Variants in CACNA2D3 observed in about 807,000 individuals in gnomAD.
CACNA2D3 encodes the protein voltage-dependent calcium channel subunit alpha-2/delta-3.
In CACNA2D3, 60 loss-of-function variants were observed where a neutral mutation model predicts 160.6. That is an observed-to-expected ratio of 0.37 (90% CI 0.30 to 0.46). The LOEUF (loss-of-function observed/expected upper bound fraction) is 0.46. Ranked by LOEUF, CACNA2D3 falls within the 20% of genes least tolerant of loss-of-function variation. CACNA2D3 has a pLI of 1.00. For synonymous variants in CACNA2D3, 558 were observed against 492.9 expected, an observed-to-expected ratio of 1.13 and a Z score of -1.75; for missense variants, 1,205 against 1,365.0, an observed-to-expected ratio of 0.88 and a Z score of 1.85.
chr3:54,719,543 C>T (rs1057011040), intron 11 of CACNA2D3, among the ~76,000 whole-genome samples: 2 of 151,914 alleles, frequency 1.3e-5, no homozygotes, highest in Non-Finnish European at 2.9e-5. Flanking sequence ...TATTTCACTG[C>T]GTTTGACTTT....
At chr3:54,512,520 C>T (rs541325541) in intron 5 of CACNA2D3, among the ~76,000 whole-genome samples, 2 of 152,316 alleles carry the variant, frequency 1.3e-5, no homozygotes, top group East Asian at 1.9e-4. Flanking sequence ...GGTAGCCTTC[C>T]TTTTTCTCCT....
intron 35 of CACNA2D3, among the ~76,000 whole-genome samples, chr3:55,072,709 G>C (rs1213440228): frequency 6.6e-6 from 1 of 152,162 alleles, no homozygotes; most frequent in Non-Finnish European, 1.5e-5. Flanking sequence ...GTAGTGTTTT[G>C]TGTTTGTTAA....
intron 27 of CACNA2D3, among the ~76,000 whole-genome samples, chr3:54,944,396 G>GTATTTATTTATTTATT (rs542683931): frequency 4.0e-5 from 6 of 148,538 alleles, no homozygotes; most frequent in East Asian, 4.0e-4. Flanking sequence ...ATTTCCCAGG[G>GTATTTATTTATTTATT]TATTTATTTA....
At chr3:54,704,639 C>T (rs1038239930) in intron 11 of CACNA2D3, among the ~76,000 whole-genome samples, 2 of 152,108 alleles carry the variant, frequency 1.3e-5, no homozygotes, top group African/African-American at 2.4e-5. Context: ...CACAGCTGTA[C>T]GGGGGTGGAA....
intron 2 of CACNA2D3, among the ~76,000 whole-genome samples, chr3:54,303,669 G>T (rs1189225747): frequency 6.6e-6 from 1 of 152,182 alleles, no homozygotes; most frequent in Non-Finnish European, 1.5e-5. Flanking sequence ...TGTCTCAGGA[G>T]CCGTTGTGAG....
chr3:54,648,196 C>G (rs2106858745), intron 11 of CACNA2D3, among the ~76,000 whole-genome samples: 1 of 152,346 alleles, frequency 6.6e-6, no homozygotes, highest in South Asian at 2.1e-4. Context: ...GGCCCATTGC[C>G]TGCTTTTGCA....
At chr3:54,470,042 C>G (rs943186782) in intron 4 of CACNA2D3, among the ~76,000 whole-genome samples, 5 of 152,140 alleles carry the variant, frequency 3.3e-5, no homozygotes, top group Non-Finnish European at 7.3e-5. Flanking sequence ...CCCAATCTAG[C>G]AAGACAGGCT....
chr3:54,233,850 C>T (rs1701823332), intron 2 of CACNA2D3, among the ~76,000 whole-genome samples: 1 of 152,110 alleles, frequency 6.6e-6, no homozygotes, highest in Non-Finnish European at 1.5e-5. Flanking sequence ...TTGATTTTAT[C>T]TAGAAGACAG....
chr3:54,799,779 A>G (rs761038480), intron 13 of CACNA2D3, among the ~76,000 whole-genome samples: 19 of 152,142 alleles, frequency 1.2e-4, no homozygotes, highest in Non-Finnish European at 2.1e-4. Flanking sequence ...TAACCTGCCA[A>G]ACAGGCTGTC....
intron 8 of CACNA2D3, among the ~76,000 whole-genome samples, chr3:54,576,293 CTG>C (rs746937944): frequency 6.6e-6 from 1 of 152,206 alleles, no homozygotes; most frequent in Non-Finnish European, 1.5e-5. Flanking sequence ...GGCTTTTGGA[CTG>C]TGATTCACCT....
chr3:54,764,220 T>A lies in CACNA2D3; in HGVS notation c.1249T>A (p.Phe417Ile). 1 of 1,613,188 alleles carries A rather than the reference T, an allele frequency of 6.2e-7. No homozygotes were observed. The highest frequency in any genetic ancestry group is 8.5e-7 in the Non-Finnish European group (1 of 1,179,590). The stretch of plus-strand genomic sequence containing the variant: ...GGCCCTCCCTTGGGTTTTGACAGGA[T>A]TTTTTACCCAGATCTCCACCTTGGC... ...LKWMACANKGFFTQISTLADV... is the reference protein window; with the variant it reads ...LKWMACANKGIFTQISTLADV... Residue 417 changes from phenylalanine to isoleucine, a missense_variant and splice_region_variant, in exon 13 of 38, where the codon TTT becomes ATT. By Grantham distance (21) the Phe-to-Ile change is conservative. Around this residue, in one of 3 missense-constraint regions of CACNA2D3, gnomAD observed 911 missense variants for 1,002.2 expected, o/e 0.91. Coordinates refer to ENST00000474759, the MANE Select transcript of CACNA2D3 (RefSeq NM_018398.3).
intron 4 of CACNA2D3, among the ~76,000 whole-genome samples, chr3:54,474,358 T>C (rs1441949709): frequency 6.7e-6 from 1 of 149,378 alleles, no homozygotes; most frequent in Non-Finnish European, 1.5e-5. Context: ...TGAGAACACA[T>C]GGACACAGGG....
intron 11 of CACNA2D3, among the ~76,000 whole-genome samples, chr3:54,685,631 G>T (rs777678652): frequency 6.6e-5 from 10 of 152,216 alleles, no homozygotes; most frequent in Non-Finnish European, 1.3e-4. Context: ...AACCTCCGTT[G>T]TCTCATCTGG....
chr3:55,066,043 T>TTTTAA (rs1291710859), intron 35 of CACNA2D3, among the ~76,000 whole-genome samples: 1 of 152,250 alleles, frequency 6.6e-6, no homozygotes, highest in East Asian at 1.9e-4. Flanking sequence ...TAAGCTTTCC[T>TTTTAA]TTTAATTTAA....
Position 54,627,849 on chromosome 3 carries a change from G to T in CACNA2D3, c.1026G>T (p.Leu342=). The change falls in exon 10 of 38, where the codon CTG becomes CTT. Residue 342 remains leucine (L), a synonymous_variant. Coordinates refer to ENST00000474759, the MANE Select transcript of CACNA2D3 (RefSeq NM_018398.3). The stretch of plus-strand genomic sequence containing the variant: ...GAATTGGAATGTTGGATATAGCTCT[G>T]AATGAGGCCTTCAACATTCTGAGTG... ...AKGIGMLDIA[L]NEAFNILSDF... The T allele has an allele frequency of 1.2e-6, 2 of 1,607,774 alleles. No individual in the cohort carries two copies. Among genetic ancestry groups the T allele is most frequent in the Non-Finnish European group, 8.5e-7 (1 of 1,176,616 alleles).
At position 55,074,226 on chromosome 3, in the gene CACNA2D3, TTACTGACTGAGATGTTCTC is replaced by T. The variant is rs758359324; in HGVS notation, c.*22_*40del. On this transcript the variant is annotated 3_prime_UTR_variant, in exon 38 of 38. Transcript: ENST00000474759. ...AGGTGACACTGACTGAGATGTTCTC[TTACTGACTGAGATGTTCTC>T]TTGGCATGCTAAATCATGGATAAAC... 1.2e-5 allele frequency: 12 copies of T among 1,004,942 alleles called. No individual in the cohort carries two copies. Among genetic ancestry groups the T allele is most frequent in the Admixed American group, 2.1e-5 (1 of 48,532 alleles). The allele number at this position is 1,004,942 out of a possible 1,614,324, so 62.3% of individuals were successfully genotyped here.
intron 14 of CACNA2D3, among the ~76,000 whole-genome samples, chr3:54,827,527 A>G (rs1308522675): frequency 6.6e-6 from 1 of 152,124 alleles, no homozygotes; most frequent in Admixed American, 6.6e-5. Flanking sequence ...TGCAGTGTTC[A>G]ACTAAGCTGT....
chr3:55,050,923 C>T (rs1208241476), intron 35 of CACNA2D3, among the ~76,000 whole-genome samples: 10 of 135,720 alleles, frequency 7.4e-5, no homozygotes, highest in East Asian at 2.0e-4. Flanking sequence ...GCATTCTTCA[C>T]GTAGTTCTCG....
chr3:54,507,205 C>T (rs536230409), intron 5 of CACNA2D3, among the ~76,000 whole-genome samples: 1 of 152,096 alleles, frequency 6.6e-6, no homozygotes, highest in Non-Finnish European at 1.5e-5. Context: ...CTGAACACAC[C>T]TTCCTTTTTC....
Sources: gnomAD v4.1 joint callset for allele counts (sites outside exome capture counted in the v4.1 genomes callset) on GRCh38, gnomAD v4.1.1 for gene constraint, gnomAD v4.1.1 regional missense constraint, MANE v1.5 for transcripts, NCBI Gene and HGNC (gene_info 2026-07-23, HGNC 2026-07-21) for gene names.